The following ATP2C1 variants were observed in gnomAD, a reference collection of about 807,000 sequenced individuals.
ATP2C1 encodes ATPase secretory pathway Ca2+ transporting 1.
A neutral mutation model predicts 120.5 loss-of-function variants in ATP2C1; 31 were observed. That is an observed-to-expected ratio of 0.26 (90% CI 0.19 to 0.35). The LOEUF (loss-of-function observed/expected upper bound fraction) is 0.35, where lower values mean the gene tolerates loss of function less well. ATP2C1 is among the 10% of genes least tolerant of loss of function. ATP2C1 has a pLI of 1.00. For missense variants in ATP2C1, 731 were observed against 1,107.5 expected (o/e 0.66, Z 4.83); for synonymous variants, 351 against 358.7 (o/e 0.98, Z 0.24).
intron 18 of ATP2C1, among the ~76,000 whole-genome samples, chr3:130,978,670 C>G (rs1439162950): frequency 6.6e-6 from 1 of 152,152 alleles, no homozygotes; most frequent in Admixed American, 6.5e-5. Context: ...AGAATCCAAA[C>G]TATTGTTGGT....
At chr3:130,919,897 G>A (rs989115065) in intron 2 of ATP2C1, among the ~76,000 whole-genome samples, 1 of 152,178 alleles carries the variant, frequency 6.6e-6, no homozygotes, top group Non-Finnish European at 1.5e-5. Context: ...CCTTACAGGT[G>A]TGAGGTAATA....
chr3:131,007,580 T>A (rs1386088445), downstream of ATP2C1, among the ~76,000 whole-genome samples: 1 of 152,218 alleles, frequency 6.6e-6, no homozygotes, highest in African/African-American at 2.4e-5. Flanking sequence ...CAGAGATCCA[T>A]TTTTGGGCTC....
At chr3:131,008,288 G>A (rs1487044772) in intron 26 of ATP2C1, among the ~76,000 whole-genome samples, 2 of 152,016 alleles carry the variant, frequency 1.3e-5, no homozygotes, top group Admixed American at 6.6e-5. Flanking sequence ...TCTGTAGAGC[G>A]TGGTGATGCA....
chr3:130,908,434 G>A (rs2685179), intron 2 of ATP2C1, among the ~76,000 whole-genome samples: 7,747 of 151,294 alleles, frequency 0.051, 281 homozygotes, highest in Middle Eastern at 0.11. Flanking sequence ...TGTATTGAAT[G>A]ACAAAATTTG....
At chr3:130,948,437 G>T (rs1298624272) in intron 8 of ATP2C1, among the ~76,000 whole-genome samples, 3 of 144,038 alleles carry the variant, frequency 2.1e-5, no homozygotes, top group African/African-American at 8.8e-5. Context: ...ATTCTGTTAT[G>T]TGATAAGTTG....
At chr3:130,999,450 G>T in intron 26 of ATP2C1, 68 bp from the exon 27 acceptor site, 1 of 1,512,918 alleles carries the variant, frequency 6.6e-7, no homozygotes, top group Non-Finnish European at 9.2e-7. Context: ...AAAATTAGAA[G>T]TGAATATAAT....
chr3:130,896,478 A>T (rs536338380), intron 2 of ATP2C1, among the ~76,000 whole-genome samples: 10 of 151,418 alleles, frequency 6.6e-5, no homozygotes, highest in Non-Finnish European at 1.3e-4. Context: ...CTATCGTCAC[A>T]TTTTTTTTTA....
chr3:130,883,064 A>G (rs770155289), intron 1 of ATP2C1, among the ~76,000 whole-genome samples: 4 of 152,136 alleles, frequency 2.6e-5, no homozygotes, highest in Non-Finnish European at 5.9e-5. Context: ...TTCATGGTTC[A>G]ATCTTGGTAG....
rs550170522 is a variant in ATP2C1, at chr3:130,922,361, C to T, written c.7-8055C>T. 3.0e-4 allele frequency among the ~76,000 whole-genome samples: 46 copies of T among 152,080 alleles called. 1 individual carries two copies. In the South Asian group the frequency reaches 9.6e-3, roughly 32 times the overall value. Reference sequence around the variant, plus strand: ...TGGATCTTGTCTCTTCTTTTCTTGGCTAATGTTGCTAATGGTCTATTGATT... The same window carrying T: ...TGGATCTTGTCTCTTCTTTTCTTGGTTAATGTTGCTAATGGTCTATTGATT... On this transcript the variant is annotated intron_variant, in intron 2 of 27. Transcript: ENST00000510168.
rs1157956407 is a variant in ATP2C1 at position 130,902,284 on chromosome 3, G to GTTTTTTTTTT, written c.6+7512_6+7521dup. On this transcript the variant is annotated intron_variant, in intron 2 of 27. Transcript: ENST00000510168. ...TTAACTGCTAATTTCAAGGCTTCAC[G>GTTTTTTTTTT]TTTTTTTTTTTTGTTTTTTTTTTTT... Among the ~76,000 whole-genome samples the GTTTTTTTTTT allele has an allele frequency of 2.4e-4, 16 of 65,508 alleles. 3 individuals are homozygous for GTTTTTTTTTT. Among genetic ancestry groups the GTTTTTTTTTT allele is most frequent in the African/African-American group, 5.6e-4 (10 of 17,734 alleles). 43.0% of individuals were successfully genotyped at this position (65,508 alleles called of 152,430 possible).
At chr3:130,959,140 T>C in intron 11 of ATP2C1, 135 bp from the exon 12 acceptor site, 1 of 650,036 alleles carries the variant, frequency 1.5e-6, no homozygotes, top group East Asian at 3.0e-5. Context: ...AATGGATTTT[T>C]ATAAAATCTT....
Position 130,967,935 on chromosome 3 carries a change from C to T in ATP2C1, c.1308+516C>T, listed in dbSNP as rs754686018. Among the ~76,000 whole-genome samples, 88 of 152,036 alleles carry T rather than the reference C, an allele frequency of 5.8e-4. 1 individual carries two copies. The highest frequency in any genetic ancestry group is 3.9e-4 in the African/African-American group (16 of 41,392). On this transcript the variant is annotated intron_variant, in intron 16 of 27. Coordinates refer to ENST00000510168, the MANE Select transcript of ATP2C1 (RefSeq NM_001378687.1). ...AGTTAACTTTTCATCTGTCCCAATC[C>T]GTCTCCTTATCCCCTAAGTCCTATA...
At chr3:130,994,812 T>C (rs2062527856) in intron 22 of ATP2C1, among the ~76,000 whole-genome samples, 1 of 152,164 alleles carries the variant, frequency 6.6e-6, no homozygotes, top group African/African-American at 2.4e-5. Flanking sequence ...TTTGCAAGGA[T>C]ATGAGTTTTT....
chr3:130,960,726 G>A (rs1029340552), intron 12 of ATP2C1, among the ~76,000 whole-genome samples: 4 of 152,112 alleles, frequency 2.6e-5, no homozygotes, highest in African/African-American at 9.7e-5. Context: ...AACAAATTAG[G>A]GGGGCAATTG....
At chr3:130,954,224 G>A (rs774984887) in intron 9 of ATP2C1, among the ~76,000 whole-genome samples, 1 of 152,100 alleles carries the variant, frequency 6.6e-6, no homozygotes, top group Non-Finnish European at 1.5e-5. Flanking sequence ...GAGAGAAACA[G>A]TGTTTTCATG....
chr3:130,978,969 T>A (rs771716050), intron 18 of ATP2C1, among the ~76,000 whole-genome samples: 3 of 152,220 alleles, frequency 2.0e-5, no homozygotes, highest in Non-Finnish European at 2.9e-5. Context: ...TGCATGTGAT[T>A]ACTATGTGAA....
chr3:130,877,651 A>G (rs2068647593), intron 1 of ATP2C1, among the ~76,000 whole-genome samples: 1 of 151,986 alleles, frequency 6.6e-6, no homozygotes, highest in South Asian at 2.1e-4. Flanking sequence ...GGTGCTGGAG[A>G]GGATGTGGAG....
chr3:130,895,295 T>A (rs565754750), intron 2 of ATP2C1, among the ~76,000 whole-genome samples: 2 of 152,210 alleles, frequency 1.3e-5, no homozygotes, highest in African/African-American at 2.4e-5. Context: ...TGAAATGTTA[T>A]GAGATGAGTG....
At chr3:130,999,198 T>C (rs1012595490) in intron 26 of ATP2C1, among the ~76,000 whole-genome samples, 1 of 152,196 alleles carries the variant, frequency 6.6e-6, no homozygotes, top group Non-Finnish European at 1.5e-5. Context: ...TGTATAGAAA[T>C]GATTTAGCAA....
Sources: gnomAD v4.1 joint callset for allele counts (sites outside exome capture counted in the v4.1 genomes callset) on GRCh38, gnomAD v4.1.1 for gene constraint, MANE v1.5 for transcripts, NCBI Gene and HGNC (gene_info 2026-07-23, HGNC 2026-07-21) for gene names.